Variants in SUCLG2 observed in about 807,000 individuals in gnomAD.
The protein encoded by SUCLG2 is succinate-CoA ligase GDP-forming subunit beta.
Under a neutral mutation model 47.9 loss-of-function variants are expected in SUCLG2, and 42 were observed. That is an observed-to-expected ratio of 0.88 (90% CI 0.69 to 1.14). The LOEUF is 1.14. SUCLG2 is among the 50% of genes most tolerant of loss of function. SUCLG2 has a pLI of 0.00. For missense variants in SUCLG2, 571 were observed against 525.9 expected (o/e 1.09, Z -0.84); for synonymous variants, 195 against 197.3 (o/e 0.99, Z 0.10).
intron 2 of SUCLG2, among the ~76,000 whole-genome samples, chr3:67,604,480 T>A (rs1466201302): frequency 6.6e-6 from 1 of 152,258 alleles, no homozygotes; most frequent in African/African-American, 2.4e-5. Flanking sequence ...AATCCCATCA[T>A]CTTTGTCATT....
At chr3:67,580,738 C>T (rs1384974176) in intron 2 of SUCLG2, among the ~76,000 whole-genome samples, 2 of 152,086 alleles carry the variant, frequency 1.3e-5, no homozygotes, top group East Asian at 1.9e-4. Context: ...GTTTTGAACA[C>T]AGTTGAGTTG....
intron 10 of SUCLG2, among the ~76,000 whole-genome samples, chr3:67,367,486 AT>A (rs1228548592): frequency 6.6e-6 from 1 of 152,018 alleles, no homozygotes; most frequent in Non-Finnish European, 1.5e-5. Context: ...TCTTTTGGTA[AT>A]TTTTGTCTTT....
chr3:67,404,896 C>A (rs967818008), intron 9 of SUCLG2, among the ~76,000 whole-genome samples: 3 of 151,996 alleles, frequency 2.0e-5, no homozygotes, highest in Non-Finnish European at 4.4e-5. Flanking sequence ...ATTTTACAAC[C>A]ACTAACTGCT....
chr3:67,609,677 A>T, intron 1 of SUCLG2, 81 bp from the exon 2 acceptor site: 1 of 1,392,392 alleles, frequency 7.2e-7, no homozygotes, highest in Non-Finnish European at 9.6e-7. Flanking sequence ...CCAGTCTTAG[A>T]GGTACTGTTG....
intron 9 of SUCLG2, chr3:67,408,721 T>C (rs1702870408): frequency 1.6e-6 from 2 of 1,275,752 alleles, no homozygotes; most frequent in Non-Finnish European, 2.0e-6. Context: ...CAAAACTGTA[T>C]GGAGGATTAA....
At chr3:67,643,479 T>G (rs924597513) in intron 1 of SUCLG2, among the ~76,000 whole-genome samples, 13 of 152,216 alleles carry the variant, frequency 8.5e-5, no homozygotes, top group African/African-American at 2.7e-4. Flanking sequence ...CTGGTTTGCT[T>G]TATGGTGAAA....
chr3:67,537,108 T>C (rs1025743036), intron 2 of SUCLG2, among the ~76,000 whole-genome samples: 2 of 152,200 alleles, frequency 1.3e-5, no homozygotes, highest in African/African-American at 4.8e-5. Flanking sequence ...GTTTGTTACA[T>C]AGGTATACAT....
At chr3:67,644,387 T>C (rs950938648) in intron 1 of SUCLG2, among the ~76,000 whole-genome samples, 2 of 152,142 alleles carry the variant, frequency 1.3e-5, no homozygotes, top group Admixed American at 1.3e-4. Context: ...CATAAAAGAA[T>C]AGCTATAGTA....
At chr3:67,401,219 G>A (rs1702677623) in intron 9 of SUCLG2, among the ~76,000 whole-genome samples, 1 of 151,680 alleles carries the variant, frequency 6.6e-6, no homozygotes, top group Non-Finnish European at 1.5e-5. Context: ...TTTCCTCCAC[G>A]ATTTACAATT....
intron 10 of SUCLG2, among the ~76,000 whole-genome samples, chr3:67,363,430 G>C (rs1405986515): frequency 3.3e-5 from 5 of 152,178 alleles, no homozygotes; most frequent in Non-Finnish European, 7.3e-5. Flanking sequence ...CATCTCCCCT[G>C]TATTTGTGGG....
intron 1 of SUCLG2, among the ~76,000 whole-genome samples, chr3:67,635,852 C>T (rs1559606864): frequency 6.6e-6 from 1 of 152,204 alleles, no homozygotes; most frequent in Non-Finnish European, 1.5e-5. Flanking sequence ...CCCCTCCTTC[C>T]AGTTTCGACT....
rs554328798 is a variant in SUCLG2 at position 67,435,966 on chromosome 3, A to C, written c.1063-35115T>G. 2.0e-5 allele frequency among the ~76,000 whole-genome samples: 3 copies of C among 152,308 alleles called. No homozygotes were observed. The South Asian group carries it at 6.2e-4, about 32-fold the overall frequency. ...ATAGTGTCTCCCAAAAGCGGTCCTG[A>C]AATTGTATTTGCTATCCGAAGAGAT... On this transcript the variant is annotated intron_variant, in intron 9 of 10. Coordinates refer to ENST00000307227, the MANE Select transcript of SUCLG2 (RefSeq NM_003848.4).
intron 1 of SUCLG2, among the ~76,000 whole-genome samples, chr3:67,628,518 G>A (rs1477973813): frequency 1.3e-5 from 2 of 152,164 alleles, no homozygotes; most frequent in South Asian, 2.1e-4. Context: ...TTGGTGAGTG[G>A]ACATGGAACT....
intron 1 of SUCLG2, among the ~76,000 whole-genome samples, chr3:67,645,193 G>A (rs955784227): frequency 1.3e-5 from 2 of 151,902 alleles, no homozygotes; most frequent in African/African-American, 4.8e-5. Flanking sequence ...AACTCTGTAA[G>A]TCTCCCCACA....
chr3:67,414,301 T>G (rs1237731407), intron 9 of SUCLG2, among the ~76,000 whole-genome samples: 1 of 152,228 alleles, frequency 6.6e-6, no homozygotes, highest in East Asian at 1.9e-4. Context: ...TTGGCAGATT[T>G]GAGAACAGGA....
chr3:67,449,561 T>TC (rs1018154113), intron 9 of SUCLG2, among the ~76,000 whole-genome samples: 26 of 152,096 alleles, frequency 1.7e-4, no homozygotes, highest in African/African-American at 6.0e-4. Flanking sequence ...TGCCTTTTTT[T>TC]TTTTTACCAC....
intron 7 of SUCLG2, among the ~76,000 whole-genome samples, chr3:67,499,231 T>C (rs577190163): frequency 6.6e-6 from 1 of 152,312 alleles, no homozygotes; most frequent in South Asian, 2.1e-4. Context: ...GGGAGAGCAC[T>C]TAAAATATAT....
chr3:67,593,922 C>G (rs948420456), intron 2 of SUCLG2, among the ~76,000 whole-genome samples: 2 of 152,222 alleles, frequency 1.3e-5, no homozygotes, highest in African/African-American at 4.8e-5. Context: ...GACCCCTTGT[C>G]TTTGGATTCC....
At chr3:67,471,410 A>G (rs1430937860) in intron 9 of SUCLG2, among the ~76,000 whole-genome samples, 1 of 152,198 alleles carries the variant, frequency 6.6e-6, no homozygotes, top group Admixed American at 6.5e-5. Flanking sequence ...TAAGTTAATG[A>G]CATTAGGACA....
Sources: gnomAD v4.1 joint callset for allele counts (sites outside exome capture counted in the v4.1 genomes callset) on GRCh38, gnomAD v4.1.1 for gene constraint, MANE v1.5 for transcripts, NCBI Gene and HGNC (gene_info 2026-07-23, HGNC 2026-07-21) for gene names.